The following SYNCRIP variants were observed in gnomAD, a reference collection of about 807,000 sequenced individuals.
SYNCRIP encodes the protein heterogeneous nuclear ribonucleoprotein Q.
Under a neutral mutation model 68.9 loss-of-function variants are expected in SYNCRIP, and 9 were observed. That is an observed-to-expected ratio of 0.13 (90% confidence interval 0.08 to 0.23). The LOEUF is 0.23. Among genes scored for constraint, SYNCRIP ranks in the 10% least tolerant of loss-of-function variants. SYNCRIP has a pLI of 1.00. For synonymous variants in SYNCRIP, 258 were observed against 254.0 expected (o/e 1.02, Z -0.15); for missense variants, 414 against 770.6 (o/e 0.54, Z 5.48).
intron 6 of SYNCRIP, among the ~76,000 whole-genome samples, chr6:85,634,781 G>C (rs1232798556): frequency 6.6e-6 from 1 of 152,106 alleles, no homozygotes; most frequent in Non-Finnish European, 1.5e-5. Flanking sequence ...TCTTTTATAG[G>C]AGATTAAAGG....
intron 8 of SYNCRIP, among the ~76,000 whole-genome samples, chr6:85,619,848 C>T (rs1167357738): frequency 6.6e-6 from 1 of 152,224 alleles, no homozygotes; most frequent in East Asian, 1.9e-4. Flanking sequence ...ACTAAACACA[C>T]ACTTCCATAT....
chr6:85,635,793 A>AG (rs1808372893), intron 6 of SYNCRIP, among the ~76,000 whole-genome samples: 2 of 151,346 alleles, frequency 1.3e-5, no homozygotes, highest in Non-Finnish European at 2.9e-5. Flanking sequence ...AAAAAAAAAA[A>AG]AAAAGAAAAG....
At chr6:85,609,706 T>G (rs1170821369), downstream of SYNCRIP, 1 of 151,996 alleles carries the variant, frequency 6.6e-6, no homozygotes, top group Non-Finnish European at 1.5e-5. Context: ...TTATGATCAC[T>G]TTTGATTGCC....
chr6:85,618,674 G>T (rs995048264), intron 10 of SYNCRIP, 144 bp downstream of exon 10: 4 of 602,036 alleles, frequency 6.6e-6, no homozygotes, highest in Non-Finnish European at 1.1e-5. Context: ...TAGATCACTG[G>T]TGTTTCCCTA....
chr6:85,613,375 C>CA (rs1805406136), downstream of SYNCRIP, among the ~76,000 whole-genome samples: 1 of 152,166 alleles, frequency 6.6e-6, no homozygotes, highest in African/African-American at 2.4e-5. Flanking sequence ...GTTTGTCTTT[C>CA]AAGTCATGTA....
At chr6:85,629,516 C>CAAAAAAAAAAAAAAAAAAA (rs781083306) in intron 6 of SYNCRIP, among the ~76,000 whole-genome samples, 5 of 64,882 alleles carry the variant, frequency 7.7e-5, no homozygotes, top group Non-Finnish European at 7.8e-5. Context: ...ACTAAAAATA[C>CAAAAAAAAAAAAAAAAAAA]AAAAAAAAAA....
intron 6 of SYNCRIP, 79 bp downstream of exon 6, chr6:85,636,888 C>T: frequency 7.2e-7 from 1 of 1,388,260 alleles, no homozygotes. Context: ...GTTTGGTAAA[C>T]TCTTAGGCAC....
At chr6:85,620,152 A>G (rs1806225533) in intron 8 of SYNCRIP, among the ~76,000 whole-genome samples, 1 of 152,226 alleles carries the variant, frequency 6.6e-6, no homozygotes. Context: ...AGGCTGAAGC[A>G]TGAGAAATGG....
intron 2 of SYNCRIP, 115 bp downstream of exon 2, chr6:85,641,177 G>T: frequency 2.6e-6 from 2 of 769,514 alleles, no homozygotes; most frequent in Non-Finnish European, 4.2e-6. Context: ...ATCACAACAA[G>T]CAAAACTCCA....
intron 10 of SYNCRIP, among the ~76,000 whole-genome samples, chr6:85,615,956 G>C (rs908404465): frequency 6.6e-6 from 1 of 152,202 alleles, no homozygotes; most frequent in African/African-American, 2.4e-5. Context: ...CAGTAAATTA[G>C]CATAAAGACC....
chr6:85,633,153 G>A (rs897983840), intron 6 of SYNCRIP, among the ~76,000 whole-genome samples: 2 of 151,860 alleles, frequency 1.3e-5, no homozygotes, highest in African/African-American at 2.4e-5. Flanking sequence ...CTACTCAGGA[G>A]GCTGAGGCAG....
intron 6 of SYNCRIP, among the ~76,000 whole-genome samples, chr6:85,635,718 C>T (rs1228164202): frequency 1.6e-5 from 2 of 128,960 alleles, no homozygotes; most frequent in African/African-American, 6.0e-5. Context: ...TGCAGTGAGC[C>T]AAGATCGCAC....
At position 85,623,946 on chromosome 6, in the gene SYNCRIP, C is replaced by G. The variant is rs372749569; in HGVS notation, c.802+31G>C. The G allele has an allele frequency of 8.1e-6, 13 of 1,611,148 alleles. No individual in the cohort carries two copies. The African/African-American group carries it at 9.4e-5, about 12-fold the overall frequency. ...TGCTATTAATCTTCATTATTAAAAG[C>G]TGCACCTCATTCCAAATAAATCCAA... On this transcript the variant is annotated intron_variant, in intron 7 of 10. Transcript: ENST00000369622.
chr6:85,615,672 C>G (rs1184805223), intron 10 of SYNCRIP, among the ~76,000 whole-genome samples: 2 of 152,124 alleles, frequency 1.3e-5, no homozygotes, highest in African/African-American at 4.8e-5. Flanking sequence ...GGGCTGGGAG[C>G]GGTCATGCCT....
At chr6:85,642,209 C>T (rs1369126821) in intron 1 of SYNCRIP, among the ~76,000 whole-genome samples, 1 of 152,168 alleles carries the variant, frequency 6.6e-6, no homozygotes, top group Non-Finnish European at 1.5e-5. Flanking sequence ...AGGCTCTCCC[C>T]GCCCCCCAGC....
rs1196593848 is a variant in SYNCRIP, at chr6:85,619,289, A to G, written c.1137T>C (p.Asp379=). 6.2e-7 allele frequency: 1 copy of G among 1,613,996 alleles called. No individual in the cohort carries two copies. Among genetic ancestry groups the G allele is most frequent in the Admixed American group, 1.7e-5 (1 of 59,986 alleles). The change falls in exon 9 of 11, where the codon GAT becomes GAC. Residue 379 remains aspartate (D), a synonymous_variant. Transcript: ENST00000369622. Reference sequence around the variant, plus strand: ...TTACCTTGACAGCACCATCTCGCTCATCAAAATGAATGAACGCATAATCTT... The same window carrying G: ...TTACCTTGACAGCACCATCTCGCTCGTCAAAATGAATGAACGCATAATCTT... ...KLKDYAFIHF[D]ERDGAVKAME... is the part of the protein sequence containing the mutation.
chr6:85,613,333 G>C (rs1328607884), downstream of SYNCRIP, among the ~76,000 whole-genome samples: 1 of 152,290 alleles, frequency 6.6e-6, no homozygotes, highest in South Asian at 2.1e-4. Flanking sequence ...GTTTGACCTT[G>C]AGATTTGAAA....
chr6:85,632,845 G>A (rs1034671240), intron 6 of SYNCRIP, among the ~76,000 whole-genome samples: 2 of 152,186 alleles, frequency 1.3e-5, no homozygotes, highest in African/African-American at 4.8e-5. Flanking sequence ...GCTGAGGCAG[G>A]AGGATCACGT....
chr6:85,636,171 G>A (rs576786909), intron 6 of SYNCRIP, among the ~76,000 whole-genome samples: 10 of 152,252 alleles, frequency 6.6e-5, no homozygotes, highest in South Asian at 2.1e-4. Context: ...CTAGCCAGGC[G>A]TGGTGGCTCA....
Sources: allele counts gnomAD v4.1 joint callset (sites outside exome capture counted in the v4.1 genomes callset), GRCh38; gene constraint gnomAD v4.1.1; transcripts MANE v1.5; gene names NCBI Gene and HGNC (gene_info 2026-07-23, HGNC 2026-07-21).